ZNF43: variants seen among roughly 807,000 people sequenced by gnomAD.
ZNF43 encodes zinc finger protein 43, also known as zinc finger protein 39-like 1 (KOX 27).
Under a neutral mutation model 68.4 loss-of-function variants are expected in ZNF43, and 44 were observed. The ratio of observed to expected loss-of-function variants is 0.64; its 90% CI spans 0.51 to 0.83. The LOEUF (loss-of-function observed/expected upper bound fraction) is 0.83. ZNF43 is among the 40% of genes least tolerant of loss of function. The pLI is 0.00. For missense variants in ZNF43, 896 were observed against 933.2 expected, an observed-to-expected ratio of 0.96 and a Z score of 0.52; for synonymous variants, 308 against 307.8, an observed-to-expected ratio of 1.00 and a Z score of -0.01.
intron 1 of ZNF43, among the ~76,000 whole-genome samples, chr19:21,824,539 T>A (rs1398698367): frequency 6.6e-6 from 1 of 152,110 alleles, no homozygotes; most frequent in Non-Finnish European, 1.5e-5. Context: ...TGTCTCTTGC[T>A]AATTTTCTGT....
At chr19:21,834,411 G>A (rs2038587066) in intron 1 of ZNF43, among the ~76,000 whole-genome samples, 2 of 151,542 alleles carry the variant, frequency 1.3e-5, no homozygotes, top group Admixed American at 1.3e-4. Flanking sequence ...TACAAACAGT[G>A]TAAGGGGATT....
chr19:21,830,712 G>C (rs930690808), intron 1 of ZNF43, among the ~76,000 whole-genome samples: 1 of 147,646 alleles, frequency 6.8e-6, no homozygotes, highest in African/African-American at 2.5e-5. Flanking sequence ...ATTCTTACTA[G>C]AGCCATTCCA....
intron 3 of ZNF43, among the ~76,000 whole-genome samples, chr19:21,811,268 A>C (rs372014943): frequency 6.6e-6 from 1 of 152,192 alleles, no homozygotes; most frequent in Non-Finnish European, 1.5e-5. Flanking sequence ...ATGGTGGCTC[A>C]CACTTGTAAT....
chr19:21,830,265 T>C (rs980820257), intron 1 of ZNF43, among the ~76,000 whole-genome samples: 8 of 139,948 alleles, frequency 5.7e-5, no homozygotes, highest in Admixed American at 5.6e-4. Flanking sequence ...GAGATTCTGT[T>C]TCAAAAACAA....
At chr19:21,822,323 G>C (rs1187822979) in intron 1 of ZNF43, among the ~76,000 whole-genome samples, 2 of 82,948 alleles carry the variant, frequency 2.4e-5, no homozygotes, top group Non-Finnish European at 5.2e-5. Flanking sequence ...TATGTATCTT[G>C]AACCTTTTAT....
chr19:21,844,921 A>AAAAAAAAATATATATAT (rs1310761266), intron 1 of ZNF43, among the ~76,000 whole-genome samples: 1 of 26,050 alleles, frequency 3.8e-5, no homozygotes, highest in Non-Finnish European at 6.2e-5. Context: ...AAAAAAAAAA[A>AAAAAAAAATATATATAT]ATATATATAT....
upstream of ZNF43, chr19:21,840,147 C>T (rs1438578995): frequency 1.3e-5 from 2 of 152,172 alleles, no homozygotes; most frequent in Non-Finnish European, 2.9e-5. Context: ...AGATAGGGCA[C>T]AGGCAGAAGA....
intron 1 of ZNF43, chr19:21,851,867 GC>G: frequency 1.3e-6 from 2 of 1,552,834 alleles, no homozygotes; most frequent in Non-Finnish European, 1.7e-6. Context: ...TTCACAGCCT[GC>G]TCTCCCCTCT....
intron 1 of ZNF43, chr19:21,851,850 C>T (rs1023341512): frequency 6.5e-7 from 1 of 1,530,912 alleles, no homozygotes; most frequent in South Asian, 1.2e-5. Flanking sequence ...AGGCCGGTCC[C>T]GCCACTTTCA....
chr19:21,815,508 T>TA (rs1568355553), intron 3 of ZNF43, among the ~76,000 whole-genome samples: 3,317 of 148,790 alleles, frequency 0.022, 147 homozygotes, highest in African/African-American at 0.075. Context: ...TATATATATA[T>TA]TTTGCAGAAT....
intron 1 of ZNF43, among the ~76,000 whole-genome samples, chr19:21,821,744 G>T (rs1317430022): frequency 1.3e-5 from 2 of 152,102 alleles, no homozygotes; most frequent in Non-Finnish European, 2.9e-5. Context: ...ATATAGAAAA[G>T]AAATATTTTG....
Position 21,808,919 on chromosome 19 carries a change from G to A in ZNF43, c.1118C>T (p.Thr373Ile), listed in dbSNP as rs372503962. 5 of 1,606,816 alleles carry A rather than the reference G, an allele frequency of 3.1e-6. No individual in the cohort carries two copies. Among genetic ancestry groups the A allele is most frequent in the Admixed American group, 1.7e-5 (1 of 59,238 alleles). The change falls in exon 4 of 4, where the codon ACA becomes ATA. Residue 373 changes from threonine (T) to isoleucine (I), a missense_variant. Transcript: ENST00000354959. The stretch of plus-strand genomic sequence containing the variant: ...CCGGCTAAAAGCTTCACCACATTCT[G>A]TACATTTATAGAATTTCTCTGCAGT... ...IHTAEKFYKC[T>I]ECGEAFSRSS...
chr19:21,847,832 CT>C (rs1568395863), intron 1 of ZNF43, among the ~76,000 whole-genome samples: 1 of 152,086 alleles, frequency 6.6e-6, no homozygotes, highest in East Asian at 1.9e-4. Context: ...GTAACAATTT[CT>C]TTTTTATTTT....
At position 21,808,511 on chromosome 19, in the gene ZNF43, G is replaced by C; in HGVS notation, c.1526C>G (p.Pro509Arg). The part of the protein sequence containing the change: ...KHKKIHIEKK[P>R]YKCEECGKAF... ...TTTGCCACATTCTTCACATTTGTAG[G>C]GTTTCTTTTCAATGTGAATTTTCTT... is the stretch of plus-strand genomic sequence containing the variant. The change falls in exon 4 of 4, where the codon CCC (proline) becomes CGC (arginine). Residue 509 changes from proline (P) to arginine (R), a missense_variant. Pro to Arg is a moderately radical substitution (Grantham distance 103, BLOSUM62 -2). Coordinates refer to ENST00000354959, the MANE Select transcript of ZNF43 (RefSeq NM_003423.4). 6.2e-7 allele frequency: 1 copy of C among 1,612,684 alleles called. No homozygotes were observed. Among genetic ancestry groups the C allele is most frequent in the Non-Finnish European group, 8.5e-7 (1 of 1,179,714 alleles).
upstream of ZNF43, chr19:21,838,803 T>C (rs1487336879): frequency 6.6e-6 from 1 of 152,164 alleles, no homozygotes; most frequent in Non-Finnish European, 1.5e-5. Flanking sequence ...CAACTCAATC[T>C]TGAATAGCAG....
rs528931172 is a variant in ZNF43, at chr19:21,833,238, G to A, written c.3+2798C>T. Among the ~76,000 whole-genome samples, 7 of 152,098 alleles carry A rather than the reference G, an allele frequency of 4.6e-5. No homozygotes were observed. In the South Asian group the frequency reaches 1.5e-3, roughly 32 times the overall value. On this transcript the variant is annotated intron_variant, in intron 1 of 3. Coordinates refer to ENST00000354959, the MANE Select transcript of ZNF43 (RefSeq NM_003423.4). ...AGATTCCTAAACTCACTCTGGGAAA[G>A]AGAAAGGTAAATGATAATTTTTATT...
chr19:21,842,879 C>T (rs571125879), intron 1 of ZNF43, among the ~76,000 whole-genome samples: 8 of 151,930 alleles, frequency 5.3e-5, no homozygotes, highest in Non-Finnish European at 2.9e-5. Flanking sequence ...CCTAGTGATA[C>T]GTCACCCCCT....
chr19:21,810,797 A>T (rs919297658), intron 3 of ZNF43, among the ~76,000 whole-genome samples: 3 of 152,104 alleles, frequency 2.0e-5, no homozygotes, highest in African/African-American at 7.2e-5. Context: ...ATAATAATAA[A>T]AAATTAGCCA....
At chr19:21,822,347 C>A (rs1245823320) in intron 1 of ZNF43, among the ~76,000 whole-genome samples, 1 of 118,320 alleles carries the variant, frequency 8.5e-6, no homozygotes, top group Non-Finnish European at 1.8e-5. Flanking sequence ...TGATTCTAGC[C>A]TCATTTTGGA....
Sources: allele counts gnomAD v4.1 joint callset (sites outside exome capture counted in the v4.1 genomes callset), GRCh38; gene constraint gnomAD v4.1.1; transcripts MANE v1.5; gene names NCBI Gene and HGNC (gene_info 2026-07-23, HGNC 2026-07-21).